The following ANGPT1 variants were observed in gnomAD, a reference collection of about 807,000 sequenced individuals.
The protein encoded by ANGPT1 is angiopoietin 1, also known as angiopoietin-1.
In ANGPT1, 17 loss-of-function variants were observed where a neutral mutation model predicts 62.2. The observed-to-expected ratio is 0.27, with a 90% CI of 0.19 to 0.41. The LOEUF is 0.41. ANGPT1 is among the 10% of genes least tolerant of loss of function. The pLI, the probability that ANGPT1 is intolerant of heterozygous loss-of-function variation, is 1.00. For missense variants in ANGPT1, 478 were observed against 594.9 expected (o/e 0.80, Z 2.04); for synonymous variants, 199 against 198.9 (o/e 1.00, Z 0.00).
chr8:107,463,449 G>A (rs1230707530), intron 1 of ANGPT1, among the ~76,000 whole-genome samples: 1 of 152,050 alleles, frequency 6.6e-6, no homozygotes, highest in East Asian at 1.9e-4. Context: ...TTATTATGTA[G>A]TATAGAAAAC....
rs149259507 is a variant in ANGPT1, at chr8:107,478,536, G to A, written c.297+18726C>T. On this transcript the variant is annotated intron_variant, in intron 1 of 8. Transcript: ENST00000517746. ...TGCACTCCAGTCTGGGCAACAGAGC[G>A]AGACTCCATCTCAAAATAAATAAAT... 4.3e-3 allele frequency among the ~76,000 whole-genome samples: 659 copies of A among 152,170 alleles called. 4 individuals are homozygous for A. Among genetic ancestry groups the A allele is most frequent in the Non-Finnish European group, 7.2e-3 (488 of 67,996 alleles).
chr8:107,291,897 G>T lies in ANGPT1; in HGVS notation c.1038+2039C>A, dbSNP rs886747016. Among the ~76,000 whole-genome samples the T allele has an allele frequency of 3.1e-3, 447 of 145,958 alleles. 2 individuals carry two copies. The highest frequency in any genetic ancestry group is 0.014 in the Middle Eastern group (4 of 290). On this transcript the variant is annotated intron_variant, in intron 6 of 8. Coordinates refer to ENST00000517746, the MANE Select transcript of ANGPT1 (RefSeq NM_001146.5). Reference sequence around the variant, plus strand: ...TTTCTATTTCCACTGAAGATGGGGGGGGGGGGGGGCTTGCCACTTAATAGG... The same window carrying T: ...TTTCTATTTCCACTGAAGATGGGGGTGGGGGGGGGCTTGCCACTTAATAGG...
intron 1 of ANGPT1, among the ~76,000 whole-genome samples, chr8:107,430,847 T>C (rs182493413): frequency 1.3e-5 from 2 of 152,228 alleles, no homozygotes; most frequent in Non-Finnish European, 2.9e-5. Flanking sequence ...ACAGCAGCAA[T>C]ATGAAACAGC....
chr8:107,323,500 G>A (rs1815204705), intron 3 of ANGPT1, among the ~76,000 whole-genome samples: 2 of 152,094 alleles, frequency 1.3e-5, no homozygotes, highest in Non-Finnish European at 2.9e-5. Context: ...CCAACACCAG[G>A]TACTGGGGGA....
At chr8:107,413,253 A>G (rs542866424) in intron 1 of ANGPT1, among the ~76,000 whole-genome samples, 2 of 152,300 alleles carry the variant, frequency 1.3e-5, no homozygotes, top group East Asian at 1.9e-4. Context: ...TTATGAACAC[A>G]TTAAATTTGA....
chr8:107,477,919 A>G (rs1467722474), intron 1 of ANGPT1, among the ~76,000 whole-genome samples: 1 of 152,170 alleles, frequency 6.6e-6, no homozygotes, highest in Non-Finnish European at 1.5e-5. Flanking sequence ...AAGGGAAAGT[A>G]AGAAATAAAA....
At chr8:107,466,627 T>C (rs867196410) in intron 1 of ANGPT1, among the ~76,000 whole-genome samples, 8 of 152,048 alleles carry the variant, frequency 5.3e-5, no homozygotes, top group African/African-American at 1.4e-4. Context: ...AAATTATAAT[T>C]GAGGCTGGGC....
At position 107,284,860 on chromosome 8, in the gene ANGPT1, T is replaced by C. The variant is rs1814101812; in HGVS notation, c.1039-12A>G. The C allele has an allele frequency of 6.4e-7, 1 of 1,562,982 alleles. No homozygotes were observed. ...GGATTTCCAAAACCCTGGGAAACAA[T>C]ATAGAGATGCAGTTGTTACTTTAGA... On this transcript the variant is annotated splice_polypyrimidine_tract_variant and intron_variant, in intron 6 of 8. Transcript: ENST00000517746.
At chr8:107,432,735 T>G (rs1811226021) in intron 1 of ANGPT1, among the ~76,000 whole-genome samples, 1 of 151,998 alleles carries the variant, frequency 6.6e-6, no homozygotes, top group African/African-American at 2.4e-5. Flanking sequence ...AAATGCTTAA[T>G]GTATTAGATA....
rs529576930 is a variant in ANGPT1 at position 107,264,545 on chromosome 8, G to C, written c.1206-194C>G. On this transcript the variant is annotated intron_variant, in intron 7 of 8. Coordinates refer to ENST00000517746, the MANE Select transcript of ANGPT1 (RefSeq NM_001146.5). ...GGAAGGAAAAAGTTTATTTCATTAT[G>C]CATGCTCAAACTCATGTGGTTCTCT... Among the ~76,000 whole-genome samples, 14 of 152,218 alleles carry C rather than the reference G, an allele frequency of 9.2e-5. No homozygotes were observed. In the East Asian group the frequency reaches 2.7e-3, roughly 29 times the overall value.
chr8:107,312,673 C>T (rs919040037), intron 4 of ANGPT1, among the ~76,000 whole-genome samples: 4 of 152,124 alleles, frequency 2.6e-5, no homozygotes, highest in African/African-American at 7.2e-5. Context: ...AGGGCTTCAC[C>T]GGTTATTAGG....
At chr8:107,265,332 C>T (rs1813587806) in intron 7 of ANGPT1, among the ~76,000 whole-genome samples, 2 of 152,194 alleles carry the variant, frequency 1.3e-5, no homozygotes, top group Non-Finnish European at 2.9e-5. Flanking sequence ...AATCCGAGAA[C>T]TAGTGGGCAA....
At chr8:107,331,186 G>A (rs898056153) in intron 3 of ANGPT1, among the ~76,000 whole-genome samples, 1 of 151,966 alleles carries the variant, frequency 6.6e-6, no homozygotes, top group African/African-American at 2.4e-5. Context: ...TATCAATACT[G>A]TATTTTATTG....
intron 1 of ANGPT1, among the ~76,000 whole-genome samples, chr8:107,367,286 T>C (rs1271515020): frequency 6.6e-6 from 1 of 152,188 alleles, no homozygotes; most frequent in Non-Finnish European, 1.5e-5. Context: ...GAAATAGCAT[T>C]ATGCCTAAAA....
chr8:107,385,435 T>A (rs1477074604), intron 1 of ANGPT1, among the ~76,000 whole-genome samples: 88 of 152,094 alleles, frequency 5.8e-4, no homozygotes, highest in Non-Finnish European at 2.2e-4. Context: ...TCAGCTTGGA[T>A]GTTATTGGTA....
rs79404939 is a variant in ANGPT1, at chr8:107,405,878, C to G, written c.298-58781G>C. ...TGTAAGTAAAATTTGATATTCCTCT[C>G]AATTTTCTTCATCTACTGTAAATCA... is the stretch of plus-strand genomic sequence containing the variant. On this transcript the variant is annotated intron_variant, in intron 1 of 8. Coordinates refer to ENST00000517746, the MANE Select transcript of ANGPT1 (RefSeq NM_001146.5). 4.3e-3 allele frequency among the ~76,000 whole-genome samples: 650 copies of G among 151,858 alleles called. 10 individuals carry two copies. Among genetic ancestry groups the G allele is most frequent in the Admixed American group, 0.033 (503 of 15,254 alleles).
chr8:107,445,597 A>G (rs965538725), intron 1 of ANGPT1, among the ~76,000 whole-genome samples: 11 of 152,168 alleles, frequency 7.2e-5, no homozygotes, highest in Admixed American at 5.2e-4. Context: ...GAGGAGAGAC[A>G]TCAATCAGAA....
chr8:107,362,969 A>G (rs2130211530), intron 1 of ANGPT1, among the ~76,000 whole-genome samples: 1 of 152,274 alleles, frequency 6.6e-6, no homozygotes, highest in South Asian at 2.1e-4. Flanking sequence ...CTTCTTCCAA[A>G]CTGGGGGAAA....
intron 1 of ANGPT1, among the ~76,000 whole-genome samples, chr8:107,440,524 A>T (rs1237600606): frequency 6.6e-6 from 1 of 152,252 alleles, no homozygotes; most frequent in East Asian, 1.9e-4. Context: ...ATGTGGGATG[A>T]TTCAAAGTCC....
Sources: allele counts gnomAD v4.1 joint callset (sites outside exome capture counted in the v4.1 genomes callset), GRCh38; gene constraint gnomAD v4.1.1; transcripts MANE v1.5; gene names NCBI Gene and HGNC (gene_info 2026-07-23, HGNC 2026-07-21).